Variants in FBXW11 observed in about 807,000 individuals in gnomAD.
FBXW11 encodes F-box and WD repeat domain containing 11, also known as F-box/WD repeat-containing protein 11.
In FBXW11, 19 loss-of-function variants were observed where a neutral mutation model predicts 77.6. The observed-to-expected ratio is 0.24, with a 90% CI of 0.17 to 0.36. The LOEUF (loss-of-function observed/expected upper bound fraction) is 0.36. FBXW11 is among the 10% of genes least tolerant of loss of function. FBXW11 has a pLI of 1.00. For synonymous variants in FBXW11, 235 were observed against 249.4 expected (o/e 0.94, Z 0.54); for missense variants, 334 against 704.2 (o/e 0.47, Z 5.95).
chr5:171,957,519 A>T, intron 2 of FBXW11, 78 bp downstream of exon 2: 1 of 1,262,292 alleles, frequency 7.9e-7, no homozygotes, highest in Non-Finnish European at 1.2e-6. Flanking sequence ...ACATTGGATT[A>T]AACACACTAC....
intron 7 of FBXW11, among the ~76,000 whole-genome samples, chr5:171,890,505 C>T (rs1004603605): frequency 2.0e-5 from 2 of 101,394 alleles, no homozygotes; most frequent in African/African-American, 3.1e-5. Context: ...AAAAAAAAAA[C>T]TCTCATCACT....
Position 171,878,045 on chromosome 5 carries a change from C to G in FBXW11, c.937G>C (p.Val313Leu), listed in dbSNP as rs377635644. 6.2e-7 allele frequency: 1 copy of G among 1,614,006 alleles called. No individual in the cohort carries two copies. The highest frequency in any genetic ancestry group is 1.1e-5 in the South Asian group (1 of 91,080). ...GAATCTGAAGAGCCAGTTACAATGA[C>G]ACGCTCATCATACTGCAGACAGAGG... ...SVLCLQYDERVIVTGSSDSTV... is the reference protein window; with the variant it reads ...SVLCLQYDERLIVTGSSDSTV... Residue 313 changes from valine to leucine, a missense_variant, in exon 8 of 14, where the codon GTC becomes CTC. Physicochemically the swap from Val to Leu is conservative, Grantham distance 32 (BLOSUM62 1). This residue lies in a region of FBXW11 where 70 missense variants were observed against 136.6 expected (regional missense o/e 0.51). Transcript: ENST00000517395.
intron 7 of FBXW11, among the ~76,000 whole-genome samples, chr5:171,883,487 C>A (rs1190347024): frequency 6.6e-6 from 1 of 152,094 alleles, no homozygotes. Flanking sequence ...TGTAACAAAC[C>A]TGCACGTTGA....
intron 2 of FBXW11, among the ~76,000 whole-genome samples, chr5:171,931,915 C>T (rs1042721143): frequency 3.5e-5 from 5 of 141,088 alleles, no homozygotes; most frequent in South Asian, 2.5e-4. Context: ...CACTCTGTCA[C>T]CCACAATGCA....
intron 7 of FBXW11, among the ~76,000 whole-genome samples, chr5:171,885,722 T>C (rs966951749): frequency 1.3e-5 from 2 of 152,234 alleles, no homozygotes; most frequent in Middle Eastern, 3.2e-3. Flanking sequence ...AAATAGACTC[T>C]GTGCACCTAT....
intron 2 of FBXW11, chr5:171,916,357 A>T: frequency 1.2e-6 from 1 of 821,968 alleles, no homozygotes; most frequent in Non-Finnish European, 1.5e-6. Flanking sequence ...CCTATGGGGA[A>T]AACCTGACTT....
At chr5:171,894,357 T>C (rs1759594184) in intron 6 of FBXW11, among the ~76,000 whole-genome samples, 1 of 152,250 alleles carries the variant, frequency 6.6e-6, no homozygotes, top group South Asian at 2.1e-4. Flanking sequence ...AGCCTACTTT[T>C]CTCAAATAAG....
chr5:172,004,273 C>T (rs933610639), intron 1 of FBXW11, among the ~76,000 whole-genome samples: 1 of 152,186 alleles, frequency 6.6e-6, no homozygotes, highest in Non-Finnish European at 1.5e-5. Context: ...AGAGTCTTAA[C>T]TGATATCCCT....
intron 7 of FBXW11, among the ~76,000 whole-genome samples, chr5:171,881,219 G>A (rs984921486): frequency 1.3e-5 from 2 of 152,102 alleles, no homozygotes; most frequent in Non-Finnish European, 2.9e-5. Flanking sequence ...CCTTGTCTTA[G>A]TGTGTTATCT....
intron 6 of FBXW11, among the ~76,000 whole-genome samples, chr5:171,898,334 T>C (rs1186484402): frequency 2.0e-5 from 3 of 152,218 alleles, no homozygotes. Context: ...AACCAAGACC[T>C]GCCAAGAACA....
At chr5:171,951,238 AAAAGGAAAACTAGCC>A (rs1763298123) in intron 2 of FBXW11, among the ~76,000 whole-genome samples, 1 of 152,082 alleles carries the variant, frequency 6.6e-6, no homozygotes, top group Admixed American at 6.6e-5. Context: ...AAGGCCCCTC[AAAAGGAAAACTAGCC>A]ACCGGGATCA....
intron 1 of FBXW11, among the ~76,000 whole-genome samples, chr5:171,975,040 C>T (rs189705567): frequency 5.3e-5 from 8 of 152,130 alleles, no homozygotes; most frequent in East Asian, 3.9e-4. Flanking sequence ...GTGACCCACC[C>T]GCCTCGGCCT....
In FBXW11 at chr5:172,006,590, A is replaced by G. The variant is rs2113644018; in HGVS notation, c.-88T>C. 1 of 1,398,804 alleles carries G rather than the reference A, an allele frequency of 7.1e-7. No individual in the cohort carries two copies. The highest frequency in any genetic ancestry group is 1.6e-5 in the South Asian group (1 of 63,766). The allele number at this position is 1,398,804 out of a possible 1,614,324, so 86.6% of individuals were successfully genotyped here. A position where few individuals can be genotyped will look rare whatever the true frequency, so the allele number is the denominator to read the frequency against. ...GCGACGGCGGAGGCGGCAGAGGCGG[A>G]GGCGGCTATCGCACCCACTCTAGCT... is the stretch of plus-strand genomic sequence containing the variant. On this transcript the variant is annotated 5_prime_UTR_variant, in exon 1 of 14. Transcript: ENST00000517395.
intron 2 of FBXW11, among the ~76,000 whole-genome samples, chr5:171,917,471 A>G (rs1040270091): frequency 3.9e-5 from 6 of 152,240 alleles, no homozygotes; most frequent in Non-Finnish European, 8.8e-5. Flanking sequence ...TGAAGAAAAT[A>G]GCAGCTATTG....
intron 1 of FBXW11, among the ~76,000 whole-genome samples, chr5:171,974,090 A>G (rs1764682815): frequency 6.6e-6 from 1 of 152,310 alleles, no homozygotes; most frequent in South Asian, 2.1e-4. Flanking sequence ...TTGGTGGTAC[A>G]TGAAGATTCT....
At chr5:171,993,572 C>T (rs1322991662) in intron 1 of FBXW11, among the ~76,000 whole-genome samples, 1 of 152,058 alleles carries the variant, frequency 6.6e-6, no homozygotes, top group Non-Finnish European at 1.5e-5. Flanking sequence ...ACGATCGCGC[C>T]ACTGCACTCC....
intron 7 of FBXW11, among the ~76,000 whole-genome samples, chr5:171,888,393 A>T (rs532510802): frequency 1.5e-4 from 23 of 152,364 alleles, no homozygotes; most frequent in African/African-American, 4.6e-4. Context: ...TATTTAAAGC[A>T]CTGCTGAAGC....
At chr5:171,991,887 G>A (rs977021464) in intron 1 of FBXW11, among the ~76,000 whole-genome samples, 37 of 152,120 alleles carry the variant, frequency 2.4e-4, no homozygotes, top group African/African-American at 8.7e-4. Flanking sequence ...GGCCGAGGTG[G>A]GAGGATCACT....
intron 1 of FBXW11, among the ~76,000 whole-genome samples, chr5:171,965,414 T>C (rs1284798544): frequency 2.0e-5 from 3 of 151,794 alleles, no homozygotes; most frequent in Non-Finnish European, 2.9e-5. Flanking sequence ...TGATCCCAGC[T>C]ACTCAGGAGG....
Sources: allele counts gnomAD v4.1 joint callset (sites outside exome capture counted in the v4.1 genomes callset), GRCh38; gene constraint gnomAD v4.1.1; regional missense constraint gnomAD v4.1.1; transcripts MANE v1.5; gene names NCBI Gene and HGNC (gene_info 2026-07-23, HGNC 2026-07-21).